Variants in RGS12 observed in about 807,000 individuals in gnomAD.
The protein encoded by RGS12 is regulator of G protein signaling 12.
In RGS12, 66 loss-of-function variants were observed where a neutral mutation model predicts 120.1. The ratio of observed to expected loss-of-function variants is 0.55; its 90% CI spans 0.45 to 0.67. RGS12 has a LOEUF of 0.67. Ranked by LOEUF, RGS12 falls within the 30% of genes least tolerant of loss-of-function variation. The probability of loss-of-function intolerance (pLI) is 0.00; values close to 1 mark genes in which losing one functional copy is unlikely to be tolerated. For synonymous variants in RGS12, 827 were observed against 804.7 expected (o/e 1.03, Z -0.47); for missense variants, 1,859 against 1,957.7 (o/e 0.95, Z 0.95).
At chr4:3,327,097 G>A (rs1339008346) in intron 2 of RGS12, among the ~76,000 whole-genome samples, 1 of 152,158 alleles carries the variant, frequency 6.6e-6, no homozygotes, top group African/African-American at 2.4e-5. Context: ...CATGTTACTG[G>A]TATAAAACTA....
intron 17 of RGS12, chr4:3,431,941 A>T (rs1446824059): frequency 3.0e-6 from 3 of 985,290 alleles, no homozygotes; most frequent in Non-Finnish European, 1.2e-6. Flanking sequence ...ATCTGTACAT[A>T]TCTGGGCCTT....
intron 3 of RGS12, among the ~76,000 whole-genome samples, chr4:3,358,405 G>T (rs909563768): frequency 6.6e-6 from 1 of 152,152 alleles, no homozygotes; most frequent in Admixed American, 6.5e-5. Context: ...TTCATGCCTT[G>T]TTCCTGATCT....
chr4:3,362,930 C>G (rs1275406689), intron 3 of RGS12, among the ~76,000 whole-genome samples: 1 of 133,994 alleles, frequency 7.5e-6, no homozygotes, highest in African/African-American at 2.9e-5. Context: ...CCATTTGGAA[C>G]GCGAAGGGGT....
In RGS12 at chr4:3,366,098, G is replaced by T. The variant is rs1010634103; in HGVS notation, c.1999-20318G>T. On this transcript the variant is annotated intron_variant, in intron 3 of 17. Coordinates refer to ENST00000336727, the MANE Select transcript of RGS12 (RefSeq NM_001394154.1). This position sits in a 1 kb window ranked among gnomAD's most constrained non-coding sequence, Gnocchi z 4.0. ...GCAGTGGTGGGACCTCATCTGGGGG[G>T]TGCTGGCCTGGGCAGCACCATGACC... 3.9e-5 allele frequency among the ~76,000 whole-genome samples: 6 copies of T among 152,144 alleles called. No individual in the cohort carries two copies. The highest frequency in any genetic ancestry group is 8.8e-5 in the Non-Finnish European group (6 of 68,022).
chr4:3,321,577 C>T (rs1578724247), intron 2 of RGS12, among the ~76,000 whole-genome samples: 1 of 152,212 alleles, frequency 6.6e-6, no homozygotes, highest in East Asian at 1.9e-4. Flanking sequence ...CGTCTGTATG[C>T]ACCCTTCTTC....
Position 3,430,883 on chromosome 4 carries a change from A to T in RGS12, c.4042A>T (p.Ile1348Phe). The T allele has an allele frequency of 6.2e-7, 1 of 1,612,598 alleles. No individual in the cohort carries two copies. Residue 1348 changes from isoleucine (I) to phenylalanine (F), a missense_variant, in exon 17 of 18, where the codon ATC becomes TTC. This residue lies in a region of RGS12 where 517 missense variants were observed against 488.5 expected (regional missense o/e 1.06). Transcript: ENST00000336727. ...AELTLMGEGD[I>F]SSPNSTLLPP... ...GCTGACCCTGATGGGGGAGGGGGAC[A>T]TCAGCAGCCCCAACAGCACCTTGCT...
At position 3,430,907 on chromosome 4, in the gene RGS12, C is replaced by G. The variant is rs751762923; in HGVS notation, c.4066C>G (p.Leu1356Val). The G allele has an allele frequency of 3.7e-6, 6 of 1,612,816 alleles. No homozygotes were observed. Among genetic ancestry groups the G allele is most frequent in the Non-Finnish European group, 5.1e-6 (6 of 1,179,936 alleles). The change falls in exon 17 of 18, where the codon CTG becomes GTG. Residue 1356 changes from leucine (L) to valine (V), a missense_variant. Around this residue, in one of 3 missense-constraint regions of RGS12, gnomAD observed 517 missense variants for 488.5 expected, o/e 1.06. Transcript: ENST00000336727. ...GDISSPNSTL[L>V]PPPSTPQEVP... ...CATCAGCAGCCCCAACAGCACCTTG[C>G]TGCCGCCGCCCTCCACCCCCCAGGA... is the stretch of plus-strand genomic sequence containing the variant.
chr4:3,288,376 CG>C (rs1482795559), upstream of RGS12, among the ~76,000 whole-genome samples: 1 of 152,114 alleles, frequency 6.6e-6, no homozygotes, highest in Non-Finnish European at 1.5e-5. This position sits in a 1 kb window ranked among gnomAD's most constrained non-coding sequence, Gnocchi z 5.2. Flanking sequence ...AGAGGCCTGC[CG>C]GACGCCTGGC....
At chr4:3,432,022 G>T in intron 17 of RGS12, 5 of 985,432 alleles carry the variant, frequency 5.1e-6, no homozygotes, top group Non-Finnish European at 6.0e-6. Flanking sequence ...GGATGAGAAA[G>T]CCTGAGGTGC....
chr4:3,424,689 G>C (rs1723423386), intron 13 of RGS12, among the ~76,000 whole-genome samples: 1 of 152,264 alleles, frequency 6.6e-6, no homozygotes, highest in Non-Finnish European at 1.5e-5. Flanking sequence ...GGCTGTGGGG[G>C]CTATGGAGGA....
In RGS12 at chr4:3,433,831, G is replaced by C. The variant is rs16844350; in HGVS notation, c.4114+2876G>C. Among the ~76,000 whole-genome samples the C allele has an allele frequency of 6.6e-6, 1 of 152,058 alleles. No individual in the cohort carries two copies. Among genetic ancestry groups the C allele is most frequent in the Non-Finnish European group, 1.5e-5 (1 of 68,014 alleles). On this transcript the variant is annotated intron_variant, in intron 17 of 17. Coordinates refer to ENST00000336727, the MANE Select transcript of RGS12 (RefSeq NM_001394154.1). This position sits in a 1 kb window ranked among gnomAD's most constrained non-coding sequence, Gnocchi z 4.4. ...AGACCATGCACCATGCAGGCTGGCCGGTGCCCCCATGCATGTCTGGTCCCG... is the reference window on the plus strand; with the variant it reads ...AGACCATGCACCATGCAGGCTGGCCCGTGCCCCCATGCATGTCTGGTCCCG...
chr4:3,295,574 C>T (rs762888411), intron 1 of RGS12, among the ~76,000 whole-genome samples: 2 of 150,178 alleles, frequency 1.3e-5, no homozygotes, highest in Non-Finnish European at 3.0e-5. Context: ...ACACAAGATT[C>T]GCTTGAACCT....
intron 4 of RGS12, among the ~76,000 whole-genome samples, chr4:3,411,527 C>T (rs549132849): frequency 1.1e-4 from 17 of 152,374 alleles, no homozygotes; most frequent in East Asian, 3.9e-4. Context: ...GGAGCTTTCA[C>T]GCTCCACTTG....
chr4:3,322,180 T>A (rs2108692844), intron 2 of RGS12, among the ~76,000 whole-genome samples: 1 of 152,240 alleles, frequency 6.6e-6, no homozygotes, highest in Non-Finnish European at 1.5e-5. Context: ...GTCTCCTTGG[T>A]GAGATGGAAA....
chr4:3,292,709 G>A (rs1220265712), upstream of RGS12, among the ~76,000 whole-genome samples: 2 of 152,206 alleles, frequency 1.3e-5, no homozygotes, highest in Non-Finnish European at 2.9e-5. Context: ...GAACGCAGTC[G>A]CTCCCAGCAC....
At chr4:3,342,358 A>G (rs1485423834) in intron 2 of RGS12, 37 of 1,184,998 alleles carry the variant, frequency 3.1e-5, no homozygotes, top group Non-Finnish European at 3.9e-5. Flanking sequence ...ATGTTTGTCG[A>G]ATTGAATTAA....
chr4:3,435,347 C>T (rs1300600854), intron 17 of RGS12, among the ~76,000 whole-genome samples: 2 of 152,104 alleles, frequency 1.3e-5, no homozygotes, highest in Non-Finnish European at 1.5e-5. Flanking sequence ...GAGAGGCCTC[C>T]TCGGCAGCTC....
Position 3,422,411 on chromosome 4 carries a change from C to T in RGS12, c.2874C>T (p.Asp958=). 1 of 1,612,842 alleles carries T rather than the reference C, an allele frequency of 6.2e-7. No homozygotes were observed. The highest frequency in any genetic ancestry group is 8.5e-7 in the Non-Finnish European group (1 of 1,179,858). Residue 958 remains aspartate (D), a synonymous_variant, in exon 11 of 18, where the codon GAC becomes GAT. Coordinates refer to ENST00000336727, the MANE Select transcript of RGS12 (RefSeq NM_001394154.1). ...GCAGGACTTTGGCACCCGAGAAGGA[C>T]AAGGCCACCAAGCACTGCTGCATTC... The part of the protein sequence containing the change: ...EACRTLAPEK[D]KATKHCCIHL...
intron 3 of RGS12, among the ~76,000 whole-genome samples, chr4:3,381,326 A>G (rs186410998): frequency 2.6e-5 from 4 of 151,906 alleles, no homozygotes; most frequent in African/African-American, 9.7e-5. Context: ...AACAGTTCCA[A>G]CCTCTGCCTG....
Sources: allele counts gnomAD v4.1 joint callset (sites outside exome capture counted in the v4.1 genomes callset), GRCh38; gene constraint gnomAD v4.1.1; regional missense constraint gnomAD v4.1.1; non-coding constraint Gnocchi (gnomAD v3.1); transcripts MANE v1.5; gene names NCBI Gene and HGNC (gene_info 2026-07-23, HGNC 2026-07-21).